ARHGAP26: variants seen among roughly 807,000 people sequenced by gnomAD.
ARHGAP26 encodes the protein Rho GTPase activating protein 26, also known as rho GTPase-activating protein 26.
A neutral mutation model predicts 104.8 loss-of-function variants in ARHGAP26; 38 were observed. The observed-to-expected ratio is 0.36, with a 90% CI of 0.28 to 0.48. The LOEUF (loss-of-function observed/expected upper bound fraction) is 0.48. Among genes scored for constraint, ARHGAP26 ranks in the 20% least tolerant of loss-of-function variants. ARHGAP26 has a pLI of 0.99. For synonymous variants in ARHGAP26, 341 were observed against 340.0 expected (o/e 1.00, Z -0.03); for missense variants, 704 against 947.9 (o/e 0.74, Z 3.38).
intron 17 of ARHGAP26, among the ~76,000 whole-genome samples, chr5:143,102,330 G>A (rs1314922492): frequency 6.6e-6 from 1 of 152,150 alleles, no homozygotes; most frequent in East Asian, 1.9e-4. Flanking sequence ...CCCCTGGCAG[G>A]TCTTCCTAGA....
chr5:143,103,492 C>T (rs894056814), intron 17 of ARHGAP26: 3 of 152,176 alleles, frequency 2.0e-5, no homozygotes, highest in Admixed American at 6.6e-5. Context: ...GACACATGCA[C>T]ACGTATGTTT....
chr5:143,082,945 G>C (rs990927346), intron 17 of ARHGAP26, among the ~76,000 whole-genome samples: 5 of 152,114 alleles, frequency 3.3e-5, no homozygotes, highest in African/African-American at 1.2e-4. Flanking sequence ...TTTTATTTTG[G>C]TATTCATAGC....
chr5:143,207,533 A>AG lies in ARHGAP26; in HGVS notation c.2099+230dup, dbSNP rs1170058557. The AG allele has an allele frequency of 6.3e-6, 10 of 1,586,446 alleles. No homozygotes were observed. In the Admixed American group the frequency reaches 1.7e-4, roughly 27 times the overall value. On this transcript the variant is annotated intron_variant, in intron 21 of 22. Transcript: ENST00000645722. The stretch of plus-strand genomic sequence containing the variant: ...TTATCCAAAGCTGGCCAGGGACAAC[A>AG]GGGGGCTGCCCCTGCTCTCCTGTGG...
At chr5:142,813,645 G>T (rs546800825) in intron 1 of ARHGAP26, among the ~76,000 whole-genome samples, 1 of 152,176 alleles carries the variant, frequency 6.6e-6, no homozygotes. Flanking sequence ...TCTTCTCCCA[G>T]TATCTTCACA....
intron 4 of ARHGAP26, among the ~76,000 whole-genome samples, chr5:142,880,162 C>T (rs1416689924): frequency 6.6e-6 from 1 of 152,132 alleles, no homozygotes. Flanking sequence ...TCTTGAGAGA[C>T]TGCAAAGGGA....
intron 17 of ARHGAP26, among the ~76,000 whole-genome samples, chr5:143,104,090 T>G (rs1793659331): frequency 6.6e-6 from 1 of 151,924 alleles, no homozygotes; most frequent in Non-Finnish European, 1.5e-5. Flanking sequence ...TACCTTATTT[T>G]GGTGCTAGTG....
intron 2 of ARHGAP26, among the ~76,000 whole-genome samples, chr5:142,874,574 C>T (rs775726924): frequency 1.6e-4 from 25 of 152,108 alleles, no homozygotes; most frequent in South Asian, 2.1e-4. Context: ...TTGGCAAAGA[C>T]GACTGTTCAT....
chr5:142,968,663 G>A (rs1363869721), intron 11 of ARHGAP26, among the ~76,000 whole-genome samples: 2 of 152,134 alleles, frequency 1.3e-5, no homozygotes, highest in Non-Finnish European at 2.9e-5. Flanking sequence ...ACATACATAT[G>A]TATTGTGCAT....
At chr5:142,837,284 T>C (rs530327344) in intron 1 of ARHGAP26, among the ~76,000 whole-genome samples, 1 of 152,262 alleles carries the variant, frequency 6.6e-6, no homozygotes, top group Non-Finnish European at 1.5e-5. Context: ...GGATACTCTA[T>C]TGGAAAGTTC....
At chr5:142,983,216 G>GTT (rs141627465) in intron 11 of ARHGAP26, among the ~76,000 whole-genome samples, 5 of 151,166 alleles carry the variant, frequency 3.3e-5, no homozygotes, top group African/African-American at 4.9e-5. Context: ...CTGGTTCGTT[G>GTT]TTTTTTTTTG....
chr5:142,807,972 A>C (rs1030931505), intron 1 of ARHGAP26, among the ~76,000 whole-genome samples: 2 of 152,120 alleles, frequency 1.3e-5, no homozygotes, highest in African/African-American at 4.8e-5. Context: ...GTGGTGGCTC[A>C]CGCCTGTAAT....
At chr5:142,999,308 C>A (rs1204808430) in intron 11 of ARHGAP26, among the ~76,000 whole-genome samples, 1 of 152,156 alleles carries the variant, frequency 6.6e-6, no homozygotes, top group Non-Finnish European at 1.5e-5. Context: ...GCATATAGAT[C>A]TTTACAATGC....
At chr5:142,880,951 T>C (rs1314688569) in intron 4 of ARHGAP26, among the ~76,000 whole-genome samples, 1 of 152,226 alleles carries the variant, frequency 6.6e-6, no homozygotes, top group East Asian at 1.9e-4. Context: ...AGTTTACACA[T>C]TTATGAGGAA....
chr5:142,935,134 G>A (rs898814347), intron 11 of ARHGAP26, among the ~76,000 whole-genome samples: 2 of 152,160 alleles, frequency 1.3e-5, no homozygotes, highest in East Asian at 3.9e-4. Context: ...AAGAAAAGCT[G>A]GATTTATTGG....
intron 11 of ARHGAP26, among the ~76,000 whole-genome samples, chr5:142,935,288 T>C (rs1765251093): frequency 6.6e-6 from 1 of 152,208 alleles, no homozygotes; most frequent in African/African-American, 2.4e-5. Context: ...GATGCTTCCT[T>C]ACTATTCATT....
rs1562136922 is a variant in ARHGAP26 at position 142,949,214 on chromosome 5, A to AG, written c.1107+17090dup. Among the ~76,000 whole-genome samples the AG allele has an allele frequency of 4.1e-4, 26 of 63,150 alleles. 1 individual carries two copies. Among genetic ancestry groups the AG allele is most frequent in the African/African-American group, 3.1e-3 (23 of 7,424 alleles). 41.4% of individuals were successfully genotyped at this position (63,150 alleles called of 152,430 possible). ...GAGAGAGAGAGAGAGAGAGAGAGAG[A>AG]GAGAGAGGAGAGAGAGAGGAGAGAG... On this transcript the variant is annotated intron_variant, in intron 11 of 22. Coordinates refer to ENST00000645722, the MANE Select transcript of ARHGAP26 (RefSeq NM_001135608.3).
In ARHGAP26 at chr5:142,870,481, C is replaced by T. The variant is rs561253051; in HGVS notation, c.155-2919C>T. 2.0e-5 allele frequency among the ~76,000 whole-genome samples: 3 copies of T among 152,320 alleles called. No homozygotes were observed. The South Asian group carries it at 6.2e-4, about 32-fold the overall frequency. On this transcript the variant is annotated intron_variant, in intron 1 of 22. Coordinates refer to ENST00000645722, the MANE Select transcript of ARHGAP26 (RefSeq NM_001135608.3). Reference sequence around the variant, plus strand: ...CACATACTACAAGGATCTCAGTTCACAGGACTTAAGTCACAGGTCCTCTCC... The same window carrying T: ...CACATACTACAAGGATCTCAGTTCATAGGACTTAAGTCACAGGTCCTCTCC...
intron 1 of ARHGAP26, among the ~76,000 whole-genome samples, chr5:142,818,230 A>G (rs79397871): frequency 6.6e-6 from 1 of 152,070 alleles, no homozygotes; most frequent in Non-Finnish European, 1.5e-5. Context: ...AAAAAAAAAA[A>G]AAGTCACTCT....
chr5:142,962,502 G>A (rs1430305629), intron 11 of ARHGAP26, among the ~76,000 whole-genome samples: 1 of 152,162 alleles, frequency 6.6e-6, no homozygotes, highest in African/African-American at 2.4e-5. Context: ...AACGGATACA[G>A]GGCATCTTTA....
Sources: gnomAD v4.1 joint callset for allele counts (sites outside exome capture counted in the v4.1 genomes callset) on GRCh38, gnomAD v4.1.1 for gene constraint, MANE v1.5 for transcripts, NCBI Gene and HGNC (gene_info 2026-07-23, HGNC 2026-07-21) for gene names.